The following ERI3 variants were observed in gnomAD, a reference collection of about 807,000 sequenced individuals.
ERI3 encodes ERI1 exoribonuclease 3.
A neutral mutation model predicts 44.4 loss-of-function variants in ERI3; 18 were observed. The observed-to-expected ratio is 0.41, with a 90% CI of 0.28 to 0.60. The LOEUF is 0.60. Ranked by LOEUF, ERI3 falls within the 20% of genes least tolerant of loss-of-function variation. The probability of loss-of-function intolerance (pLI) is 0.36; values close to 1 mark genes in which losing one functional copy is unlikely to be tolerated. For missense variants in ERI3, 294 were observed against 435.5 expected, an observed-to-expected ratio of 0.68 and a Z score of 2.89; for synonymous variants, 183 against 164.8, an observed-to-expected ratio of 1.11 and a Z score of -0.84.
intron 2 of ERI3, among the ~76,000 whole-genome samples, chr1:44,349,121 A>G (rs1302881192): frequency 2.0e-5 from 3 of 152,118 alleles, no homozygotes; most frequent in African/African-American, 4.8e-5. Flanking sequence ...TGTTGGGACT[A>G]AGGTCCACAC....
intron 4 of ERI3, 125 bp from the exon 5 acceptor site, chr1:44,313,353 A>C: frequency 1.2e-6 from 1 of 823,006 alleles, no homozygotes; most frequent in South Asian, 1.6e-5. Flanking sequence ...GCACTGCTTT[A>C]GGTTCAGAGC....
chr1:44,281,648 G>T (rs1422145281), intron 7 of ERI3, among the ~76,000 whole-genome samples: 1 of 145,912 alleles, frequency 6.9e-6, no homozygotes, highest in African/African-American at 2.5e-5. Context: ...TCGATGAAGA[G>T]ATATATATAT....
intron 5 of ERI3, among the ~76,000 whole-genome samples, chr1:44,309,098 A>G (rs1242704514): frequency 6.6e-6 from 1 of 152,222 alleles, no homozygotes; most frequent in African/African-American, 2.4e-5. Flanking sequence ...AACTGCTCCT[A>G]AACACTCTAA....
At position 44,252,269 on chromosome 1, in the gene ERI3, C is replaced by T. The variant is rs1342175435; in HGVS notation, c.832-4231G>A. Reference sequence around the variant, plus strand: ...CCTGTGCCAGGCAGGCACGCACACACGCTTCCCTTCCCCTGGGCTGCTGCA... The same window carrying T: ...CCTGTGCCAGGCAGGCACGCACACATGCTTCCCTTCCCCTGGGCTGCTGCA... On this transcript the variant is annotated intron_variant, in intron 7 of 8. Transcript: ENST00000372257. The surrounding 1 kb of genome is among the most constrained non-coding windows in gnomAD (Gnocchi z 4.7). Among the ~76,000 whole-genome samples, 3 of 152,372 alleles carry T rather than the reference C, an allele frequency of 2.0e-5. No individual in the cohort carries two copies. Among genetic ancestry groups the T allele is most frequent in the East Asian group, 1.9e-4 (1 of 5,188 alleles).
intron 7 of ERI3, among the ~76,000 whole-genome samples, chr1:44,250,170 C>T (rs1407117076): frequency 6.6e-6 from 1 of 152,244 alleles, no homozygotes; most frequent in African/African-American, 2.4e-5. Context: ...GGTGATCCTG[C>T]TTTATCCCAG....
intron 7 of ERI3, among the ~76,000 whole-genome samples, chr1:44,271,403 T>A (rs547344752): frequency 6.6e-6 from 1 of 152,270 alleles, no homozygotes; most frequent in African/African-American, 2.4e-5. Context: ...CACTCAAGTA[T>A]CTCCACCAAA....
At chr1:44,343,767 T>A (rs563883109) in intron 2 of ERI3, among the ~76,000 whole-genome samples, 1 of 152,170 alleles carries the variant, frequency 6.6e-6, no homozygotes, top group Non-Finnish European at 1.5e-5. Context: ...TTTTGATGGT[T>A]GTATTTTGAC....
chr1:44,291,027 T>A (rs559460012), intron 6 of ERI3, among the ~76,000 whole-genome samples: 1 of 152,292 alleles, frequency 6.6e-6, no homozygotes, highest in African/African-American at 2.4e-5. Flanking sequence ...CACAAATTGG[T>A]CCTTCCTCCC....
chr1:44,310,985 A>G lies in ERI3; in HGVS notation c.666+2184T>C, dbSNP rs1269170066. 7.5e-3 allele frequency among the ~76,000 whole-genome samples: 1,117 copies of G among 149,590 alleles called. 16 individuals are homozygous for G. The highest frequency in any genetic ancestry group is 0.011 in the Middle Eastern group (3 of 284). On this transcript the variant is annotated intron_variant, in intron 5 of 8. Coordinates refer to ENST00000372257, the MANE Select transcript of ERI3 (RefSeq NM_024066.3). ...CGCGCACACACACACACACACACACACACACACACACACACACACACACAC... is the reference window on the plus strand; with the variant it reads ...CGCGCACACACACACACACACACACGCACACACACACACACACACACACAC...
At chr1:44,253,229 G>C (rs1644717722) in intron 7 of ERI3, among the ~76,000 whole-genome samples, 1 of 152,194 alleles carries the variant, frequency 6.6e-6, no homozygotes, top group South Asian at 2.1e-4. Flanking sequence ...GGCACACCCA[G>C]CAGCCCATGC....
At chr1:44,312,249 A>G (rs1645987692) in intron 5 of ERI3, among the ~76,000 whole-genome samples, 1 of 152,186 alleles carries the variant, frequency 6.6e-6, no homozygotes, top group African/African-American at 2.4e-5. Context: ...CTATTCCTGC[A>G]GATACTCTGC....
intron 6 of ERI3, among the ~76,000 whole-genome samples, chr1:44,303,259 T>G (rs1645763805): frequency 6.6e-6 from 1 of 152,228 alleles, no homozygotes; most frequent in Non-Finnish European, 1.5e-5. Flanking sequence ...TTCCTGACAT[T>G]AGCAGCATAG....
At chr1:44,347,862 A>G (rs1378284837) in intron 2 of ERI3, among the ~76,000 whole-genome samples, 1 of 150,506 alleles carries the variant, frequency 6.6e-6, no homozygotes, top group Non-Finnish European at 1.5e-5. Flanking sequence ...ATTAAAGAAG[A>G]GCATGAGATT....
chr1:44,261,349 A>G (rs1644890401), intron 7 of ERI3, among the ~76,000 whole-genome samples: 2 of 152,284 alleles, frequency 1.3e-5, no homozygotes, highest in African/African-American at 4.8e-5. Context: ...GCAGGCCGCC[A>G]GCCGAGCGAG....
chr1:44,333,628 TG>T (rs1424491497), intron 3 of ERI3, among the ~76,000 whole-genome samples: 1 of 152,256 alleles, frequency 6.6e-6, no homozygotes, highest in East Asian at 1.9e-4. Flanking sequence ...AGAGGATTCC[TG>T]CCTTTCAGCC....
In ERI3 at chr1:44,315,811, C is replaced by A. The variant is rs151089056; in HGVS notation, c.607-2583G>T. On this transcript the variant is annotated intron_variant, in intron 4 of 8. Coordinates refer to ENST00000372257, the MANE Select transcript of ERI3 (RefSeq NM_024066.3). Reference sequence around the variant, plus strand: ...TATTAATCCCTCCAAGGATGGACCACCCCTTTTCAGCTCTGCCAAGGCACT... The same window carrying A: ...TATTAATCCCTCCAAGGATGGACCAACCCTTTTCAGCTCTGCCAAGGCACT... Among the ~76,000 whole-genome samples, 407 of 152,338 alleles carry A rather than the reference C, an allele frequency of 2.7e-3. 1 individual carries two copies. Among genetic ancestry groups the A allele is most frequent in the African/African-American group, 8.8e-3 (366 of 41,578 alleles).
chr1:44,234,479 T>C (rs1644259051), intron 8 of ERI3, among the ~76,000 whole-genome samples: 3 of 151,782 alleles, frequency 2.0e-5, no homozygotes, highest in African/African-American at 7.3e-5. Context: ...CTGGCCAACA[T>C]GGCGAAACCC....
At chr1:44,353,216 C>T in intron 1 of ERI3, 1 of 984,956 alleles carries the variant, frequency 1.0e-6, no homozygotes, top group South Asian at 4.7e-5. Context: ...GTTTCAGAAT[C>T]CTAGTCTAGT....
intron 2 of ERI3, among the ~76,000 whole-genome samples, chr1:44,345,453 T>A (rs1241478977): frequency 2.6e-5 from 4 of 152,180 alleles, no homozygotes; most frequent in Non-Finnish European, 5.9e-5. Flanking sequence ...CCAAGTTACC[T>A]GCAACAGGTT....
Sources: allele counts gnomAD v4.1 joint callset (sites outside exome capture counted in the v4.1 genomes callset), GRCh38; gene constraint gnomAD v4.1.1; non-coding constraint Gnocchi (gnomAD v3.1); transcripts MANE v1.5; gene names NCBI Gene and HGNC (gene_info 2026-07-23, HGNC 2026-07-21).